ALMS1: variants seen among roughly 807,000 people sequenced by gnomAD.
The protein encoded by ALMS1 is ALMS1 centrosome and basal body associated protein, also known as centrosome-associated protein ALMS1.
In ALMS1, 271 loss-of-function variants were observed where a neutral mutation model predicts 352.2. The ratio of observed to expected loss-of-function variants is 0.77; its 90% CI spans 0.70 to 0.85. ALMS1 has a LOEUF of 0.85. Among genes scored for constraint, ALMS1 ranks in the 40% least tolerant of loss-of-function variants. ALMS1 has a pLI of 0.00. For synonymous variants in ALMS1, 1,865 were observed against 1,761.2 expected (o/e 1.06, Z -1.48); for missense variants, 5,445 against 4,870.7 (o/e 1.12, Z -3.51).
chr2:73,400,774 G>T (rs760435954), intron 1 of ALMS1, among the ~76,000 whole-genome samples: 3 of 151,910 alleles, frequency 2.0e-5, no homozygotes, highest in Non-Finnish European at 4.4e-5. Flanking sequence ...GAGATCTGTT[G>T]TGATGTCCTC....
At chr2:73,580,641 T>C (rs924953348) in intron 16 of ALMS1, among the ~76,000 whole-genome samples, 1 of 152,236 alleles carries the variant, frequency 6.6e-6, no homozygotes, top group African/African-American at 2.4e-5. Context: ...TGCCTCATAA[T>C]GTTATGTTAA....
intron 9 of ALMS1, among the ~76,000 whole-genome samples, chr2:73,465,840 T>C (rs1458597873): frequency 1.3e-5 from 2 of 152,196 alleles, no homozygotes. Context: ...GAACAGACAC[T>C]TCTCAAAAGA....
At chr2:73,539,805 C>T (rs569275308) in intron 12 of ALMS1, among the ~76,000 whole-genome samples, 8 of 151,876 alleles carry the variant, frequency 5.3e-5, no homozygotes, top group East Asian at 3.9e-4. Context: ...TGAAATCAAG[C>T]GAGAAGAGAA....
At chr2:73,465,124 T>C (rs896644349) in intron 9 of ALMS1, among the ~76,000 whole-genome samples, 2 of 149,062 alleles carry the variant, frequency 1.3e-5, no homozygotes, top group African/African-American at 5.2e-5. Flanking sequence ...CTTCACAGAA[T>C]TGGAAGAAAC....
At chr2:73,429,192 A>G (rs1451874680) in intron 6 of ALMS1, among the ~76,000 whole-genome samples, 3 of 151,586 alleles carry the variant, frequency 2.0e-5, no homozygotes, top group African/African-American at 7.3e-5. Flanking sequence ...AAACTAGACT[A>G]CTAGAGTCTC....
At chr2:73,600,161 A>G (rs1027961972) in intron 17 of ALMS1, among the ~76,000 whole-genome samples, 2 of 152,246 alleles carry the variant, frequency 1.3e-5, no homozygotes, top group Non-Finnish European at 2.9e-5. Context: ...TTAAATGTGC[A>G]AAACGAATTC....
intron 9 of ALMS1, among the ~76,000 whole-genome samples, chr2:73,484,855 A>C (rs1211393605): frequency 1.3e-5 from 2 of 152,022 alleles, no homozygotes; most frequent in Non-Finnish European, 2.9e-5. Context: ...CCTTTCTTCC[A>C]GTTGATGGCA....
intron 10 of ALMS1, among the ~76,000 whole-genome samples, chr2:73,509,579 T>C (rs935430140): frequency 1.3e-5 from 2 of 152,210 alleles, no homozygotes; most frequent in African/African-American, 4.8e-5. Flanking sequence ...GAATGTTGAA[T>C]GTTGGCCCCC....
At chr2:73,517,593 T>C (rs1269508762) in intron 10 of ALMS1, among the ~76,000 whole-genome samples, 2 of 152,094 alleles carry the variant, frequency 1.3e-5, no homozygotes, top group African/African-American at 4.8e-5. Context: ...ACACGTATAG[T>C]AGAGTTCCTT....
chr2:73,429,028 G>A (rs895552269), intron 6 of ALMS1, among the ~76,000 whole-genome samples: 2 of 152,170 alleles, frequency 1.3e-5, no homozygotes, highest in Non-Finnish European at 2.9e-5. Context: ...TACTTTGTTA[G>A]CCTTGTGTCT....
chr2:73,436,919 G>GA (rs1671614767), intron 7 of ALMS1, among the ~76,000 whole-genome samples: 1 of 152,136 alleles, frequency 6.6e-6, no homozygotes, highest in Non-Finnish European at 1.5e-5. Flanking sequence ...CCCTGTGAAG[G>GA]GGTCACACTT....
rs58122480 is a variant in ALMS1, at chr2:73,404,899, CTTTTTTTTTTTTTT to C, written c.325-3706_325-3693del. 6.1e-4 allele frequency among the ~76,000 whole-genome samples: 37 copies of C among 60,784 alleles called. 1 individual carries two copies. Among genetic ancestry groups the C allele is most frequent in the African/African-American group, 3.3e-3 (31 of 9,342 alleles). The allele number at this position is 60,784 out of a possible 152,430, so 39.9% of individuals were successfully genotyped here. A position where few individuals can be genotyped will look rare whatever the true frequency, so the allele number is the denominator to read the frequency against. On this transcript the variant is annotated intron_variant, in intron 1 of 22. Coordinates refer to ENST00000613296, the MANE Select transcript of ALMS1 (RefSeq NM_001378454.1). ...CCAGTGAAGCTTTCTTGTCCTGGACCTTTTTTTTTTTTTTTTTTTTTTTTTTTTTTGAGACAGGG... is the reference window on the plus strand; with the variant it reads ...CCAGTGAAGCTTTCTTGTCCTGGACCTTTTTTTTTTTTTTTTGAGACAGGG...
At position 73,390,067 on chromosome 2, in the gene ALMS1, C is replaced by T. The variant is rs575358561; in HGVS notation, c.324+3875C>T. 1.4e-4 allele frequency among the ~76,000 whole-genome samples: 21 copies of T among 152,132 alleles called. 1 individual carries two copies. In the South Asian group the frequency reaches 4.4e-3, roughly 32 times the overall value. On this transcript the variant is annotated intron_variant, in intron 1 of 22. Transcript: ENST00000613296. ...TATTTTTTCCTCCCCACAGTTTTTT[C>T]TTTCCCCTGAGAAAAATTAGATATT...
intron 7 of ALMS1, among the ~76,000 whole-genome samples, chr2:73,433,619 G>T (rs1006260328): frequency 2.0e-5 from 3 of 152,124 alleles, no homozygotes; most frequent in Non-Finnish European, 4.4e-5. Context: ...TTTGGGTCAG[G>T]TACAGTGTCT....
At chr2:73,443,637 C>G (rs188126306) in intron 7 of ALMS1, among the ~76,000 whole-genome samples, 31 of 152,182 alleles carry the variant, frequency 2.0e-4, no homozygotes, top group Admixed American at 9.2e-4. Flanking sequence ...GGGTAGAGCT[C>G]GGGCTTTGCT....
Position 73,559,042 on chromosome 2 carries a change from C to G in ALMS1, c.10284C>G (p.Asp3428Glu), listed in dbSNP as rs2104063874. The G allele has an allele frequency of 1.2e-6, 2 of 1,614,042 alleles. No homozygotes were observed. Among genetic ancestry groups the G allele is most frequent in the Non-Finnish European group, 1.7e-6 (2 of 1,179,948 alleles). Residue 3428 changes from aspartate (D) to glutamate (E), a missense_variant, in exon 15 of 23, where the codon GAC (aspartate) becomes GAG (glutamate). By Grantham distance (45) the Asp-to-Glu change is conservative. Transcript: ENST00000613296. Reference protein sequence around the residue: ...VGDPEMKNLPDTKAITQKEEI... With the variant: ...VGDPEMKNLPETKAITQKEEI... ...ACCCAGAAATGAAGAACTTGCCAGACACTAAAGCCATTACACAGAAAGAGG... is the reference window on the plus strand; with the variant it reads ...ACCCAGAAATGAAGAACTTGCCAGAGACTAAAGCCATTACACAGAAAGAGG...
At chr2:73,417,890 A>G (rs1671207360) in intron 2 of ALMS1, among the ~76,000 whole-genome samples, 1 of 152,208 alleles carries the variant, frequency 6.6e-6, no homozygotes, top group Non-Finnish European at 1.5e-5. Flanking sequence ...ACTTTAATTC[A>G]GCATTGTTAT....
intron 7 of ALMS1, among the ~76,000 whole-genome samples, chr2:73,440,736 T>C (rs537329937): frequency 6.6e-6 from 1 of 152,186 alleles, no homozygotes; most frequent in South Asian, 2.1e-4. Flanking sequence ...TGATTGTCTT[T>C]TCTCAGTTTG....
chr2:73,519,498 T>C (rs1420926861), intron 10 of ALMS1, among the ~76,000 whole-genome samples: 1 of 152,196 alleles, frequency 6.6e-6, no homozygotes, highest in Non-Finnish European at 1.5e-5. Context: ...GTATTTTCAA[T>C]TCAGCTGAAA....
Sources: allele counts gnomAD v4.1 joint callset (sites outside exome capture counted in the v4.1 genomes callset), GRCh38; gene constraint gnomAD v4.1.1; transcripts MANE v1.5; gene names NCBI Gene and HGNC (gene_info 2026-07-23, HGNC 2026-07-21).